Variants in ASTN2 observed in about 807,000 individuals in gnomAD.
ASTN2 encodes the protein astrotactin-2.
In ASTN2, 54 loss-of-function variants were observed where a neutral mutation model predicts 139.8. The observed-to-expected ratio is 0.39, with a 90% confidence interval of 0.31 to 0.48. ASTN2 has a LOEUF of 0.48. Among genes scored for constraint, ASTN2 ranks in the 20% least tolerant of loss-of-function variants. ASTN2 has a pLI of 0.95. For synonymous variants in ASTN2, 756 were observed against 719.5 expected, an observed-to-expected ratio of 1.05 and a Z score of -0.81; for missense variants, 1,565 against 1,725.1, an observed-to-expected ratio of 0.91 and a Z score of 1.64.
chr9:116,498,429 C>CA lies in ASTN2; in HGVS notation c.3356-10930dup, dbSNP rs1449887512. On this transcript the variant is annotated intron_variant, in intron 19 of 22. Coordinates refer to ENST00000313400, the MANE Select transcript of ASTN2 (RefSeq NM_001365068.1). ...GCAAGACCCCATCTCTAAAAAAAAACAAAAAACAAAAAACAAAAAACAGCC... is the reference window on the plus strand; with the variant it reads ...GCAAGACCCCATCTCTAAAAAAAAACAAAAAAACAAAAAACAAAAAACAGCC... 3.2e-5 allele frequency among the ~76,000 whole-genome samples: 4 copies of CA among 124,096 alleles called. No homozygotes were observed. In the East Asian group the frequency reaches 8.1e-4, roughly 25 times the overall value. The allele number at this position is 124,096 out of a possible 152,430, so 81.4% of individuals were successfully genotyped here.
Position 116,946,737 on chromosome 9 carries a change from T to C in ASTN2, c.1889+28471A>G, listed in dbSNP as rs115951245. On this transcript the variant is annotated intron_variant, in intron 10 of 22. Coordinates refer to ENST00000313400, the MANE Select transcript of ASTN2 (RefSeq NM_001365068.1). ...AAGAGGAAGGTCTAATCTTGGGGGC[T>C]TGAGGTGGGAAGGATGCAGGGCAGG... 3.8e-3 allele frequency among the ~76,000 whole-genome samples: 582 copies of C among 152,114 alleles called. 4 individuals carry two copies. Among genetic ancestry groups the C allele is most frequent in the African/African-American group, 0.014 (566 of 41,490 alleles).
chr9:116,715,203 C>T (rs1024207482), intron 16 of ASTN2, among the ~76,000 whole-genome samples: 4 of 151,434 alleles, frequency 2.6e-5, no homozygotes, highest in South Asian at 2.1e-4. Flanking sequence ...TAATTTAAGG[C>T]ATTGGAGATT....
chr9:116,899,059 C>T (rs1833944617), intron 10 of ASTN2, among the ~76,000 whole-genome samples: 1 of 152,168 alleles, frequency 6.6e-6, no homozygotes, highest in Non-Finnish European at 1.5e-5. Context: ...TCAGTATTAA[C>T]AAGGTTTTGA....
intron 10 of ASTN2, among the ~76,000 whole-genome samples, chr9:116,954,462 C>A (rs1044668540): frequency 6.6e-6 from 1 of 152,180 alleles, no homozygotes; most frequent in Non-Finnish European, 1.5e-5. Flanking sequence ...ACACTTTGAG[C>A]AGCAATGCCC....
chr9:116,847,587 T>C (rs915255183), intron 11 of ASTN2, among the ~76,000 whole-genome samples: 1 of 152,228 alleles, frequency 6.6e-6, no homozygotes, highest in Non-Finnish European at 1.5e-5. Flanking sequence ...ATGGCACTTA[T>C]CATGTGCCAG....
At chr9:117,006,283 C>T (rs1041178629) in intron 7 of ASTN2, among the ~76,000 whole-genome samples, 1 of 152,146 alleles carries the variant, frequency 6.6e-6, no homozygotes, top group Admixed American at 6.5e-5. Flanking sequence ...TCATCTTGAA[C>T]TTACACCCAA....
At chr9:116,779,173 T>C (rs1830156938) in intron 13 of ASTN2, among the ~76,000 whole-genome samples, 1 of 152,188 alleles carries the variant, frequency 6.6e-6, no homozygotes. Flanking sequence ...GTTGCAAATT[T>C]AATCCCCATT....
intron 4 of ASTN2, among the ~76,000 whole-genome samples, chr9:117,136,281 G>T (rs1829949417): frequency 6.6e-6 from 1 of 152,116 alleles, no homozygotes; most frequent in Non-Finnish European, 1.5e-5. Flanking sequence ...TTAAATCATG[G>T]TTCTTCTTCC....
rs1449801053 is a variant in ASTN2, at chr9:116,530,127, A to T, written c.3356-42627T>A. ...TATATATATATATATATATATATAT[A>T]TATATATATATATATATATATATAA... On this transcript the variant is annotated intron_variant, in intron 19 of 22. Coordinates refer to ENST00000313400, the MANE Select transcript of ASTN2 (RefSeq NM_001365068.1). 1.8e-3 allele frequency among the ~76,000 whole-genome samples: 65 copies of T among 36,484 alleles called. 1 individual carries two copies. The highest frequency in any genetic ancestry group is 5.9e-3 in the African/African-American group (61 of 10,414). 23.9% of individuals were successfully genotyped at this position (36,484 alleles called of 152,430 possible).
At chr9:116,437,547 T>C (rs1847697519) in intron 22 of ASTN2, 1 of 471,124 alleles carries the variant, frequency 2.1e-6, no homozygotes, top group Admixed American at 2.3e-5. Context: ...CGGCCGCCTT[T>C]CCAGAAGATT....
intron 1 of ASTN2, among the ~76,000 whole-genome samples, chr9:117,330,415 G>A (rs1240639187): frequency 1.3e-5 from 2 of 152,192 alleles, no homozygotes; most frequent in African/African-American, 4.8e-5. Context: ...ATTGGTTCCT[G>A]GAGGGACTCC....
chr9:117,153,130 G>A (rs1186288244), intron 3 of ASTN2, among the ~76,000 whole-genome samples: 1 of 151,970 alleles, frequency 6.6e-6, no homozygotes, highest in Non-Finnish European at 1.5e-5. Flanking sequence ...AACTCAGGAT[G>A]TGCTAGTTAT....
At chr9:116,666,795 A>G (rs940657701) in intron 16 of ASTN2, among the ~76,000 whole-genome samples, 5 of 152,064 alleles carry the variant, frequency 3.3e-5, no homozygotes, top group African/African-American at 1.2e-4. Context: ...CACTTAGCTA[A>G]ATCTGTAATT....
At chr9:116,861,941 G>C (rs1317720709) in intron 11 of ASTN2, among the ~76,000 whole-genome samples, 2 of 149,884 alleles carry the variant, frequency 1.3e-5, no homozygotes, top group Non-Finnish European at 3.0e-5. Context: ...ATTTTCTCCA[G>C]ACTTCCACTT....
At chr9:116,607,736 C>G (rs908355608) in intron 19 of ASTN2, among the ~76,000 whole-genome samples, 1 of 148,850 alleles carries the variant, frequency 6.7e-6, no homozygotes, top group Non-Finnish European at 1.5e-5. Context: ...CTGAAGCAGG[C>G]GGGTCACGAG....
At chr9:116,603,200 T>G (rs1036476184) in intron 19 of ASTN2, among the ~76,000 whole-genome samples, 1 of 152,078 alleles carries the variant, frequency 6.6e-6, no homozygotes, top group African/African-American at 2.4e-5. Flanking sequence ...ATATGAACCA[T>G]GGACTCTACC....
At chr9:116,760,645 T>C (rs1055953320) in intron 13 of ASTN2, among the ~76,000 whole-genome samples, 1 of 152,088 alleles carries the variant, frequency 6.6e-6, no homozygotes, top group Non-Finnish European at 1.5e-5. Flanking sequence ...TTCCTTTTTT[T>C]CCTTCTAGAT....
chr9:116,838,589 ATTTTTT>A (rs34871450), intron 11 of ASTN2, among the ~76,000 whole-genome samples: 1 of 130,142 alleles, frequency 7.7e-6, no homozygotes, highest in South Asian at 2.5e-4. Context: ...ATGCCCAGCA[ATTTTTT>A]TTTTTTTTTT....
chr9:117,242,288 G>A (rs1024350651), intron 2 of ASTN2, among the ~76,000 whole-genome samples: 1 of 152,008 alleles, frequency 6.6e-6, no homozygotes, highest in African/African-American at 2.4e-5. Context: ...TTTCCACCTA[G>A]AGGCTATAAC....
Sources: allele counts gnomAD v4.1 joint callset (sites outside exome capture counted in the v4.1 genomes callset), GRCh38; gene constraint gnomAD v4.1.1; transcripts MANE v1.5; gene names NCBI Gene and HGNC (gene_info 2026-07-23, HGNC 2026-07-21).